The following PAX3 variants were observed in gnomAD, a reference collection of about 807,000 sequenced individuals.
PAX3 encodes paired box 3.
PAX3 carries 14 observed loss-of-function variants against 51.6 expected under a neutral mutation model. That is an observed-to-expected ratio of 0.27 (90% CI 0.18 to 0.42). PAX3 has a LOEUF of 0.42. PAX3 is among the 10% of genes least tolerant of loss of function. The probability of loss-of-function intolerance (pLI) is 1.00; values close to 1 mark genes in which losing one functional copy is unlikely to be tolerated. For synonymous variants in PAX3, 280 were observed against 253.4 expected (o/e 1.11, Z -1.00); for missense variants, 540 against 642.8 (o/e 0.84, Z 1.73).
intron 7 of PAX3, among the ~76,000 whole-genome samples, chr2:222,217,324 C>G (rs1692002677): frequency 6.6e-6 from 1 of 152,114 alleles, no homozygotes; most frequent in Admixed American, 6.5e-5. Context: ...TTTTAAAAAA[C>G]TAGTCTCTAC....
rs1695058726 is a variant in PAX3, at chr2:222,291,974, GTGT to G, written c.586+2190_586+2192del. Among the ~76,000 whole-genome samples the G allele has an allele frequency of 3.0e-3, 157 of 51,526 alleles. 1 individual carries two copies. Among genetic ancestry groups the G allele is most frequent in the Non-Finnish European group, 3.3e-3 (89 of 27,164 alleles). The allele number at this position is 51,526 out of a possible 152,430, so 33.8% of individuals were successfully genotyped here. ...AATCAGGCTTCAGCCTCCAAGGTGT[GTGT>G]GTGTGTGTGTGTGTGTGTGTGTGTG... On this transcript the variant is annotated intron_variant, in intron 4 of 8. Coordinates refer to ENST00000392070, the MANE Select transcript of PAX3 (RefSeq NM_181458.4).
At chr2:222,270,935 T>C (rs1366662573) in intron 4 of PAX3, among the ~76,000 whole-genome samples, 2 of 152,218 alleles carry the variant, frequency 1.3e-5, no homozygotes, top group Non-Finnish European at 2.9e-5. Context: ...ACTTAATCCT[T>C]GTTAAACTGC....
intron 7 of PAX3, among the ~76,000 whole-genome samples, chr2:222,209,047 G>C (rs975157563): frequency 6.6e-6 from 1 of 152,042 alleles, no homozygotes; most frequent in Non-Finnish European, 1.5e-5. Context: ...AGTGAAAAGA[G>C]CTTCAACTCT....
chr2:222,230,686 C>T (rs1462237413), intron 5 of PAX3, among the ~76,000 whole-genome samples: 3 of 151,902 alleles, frequency 2.0e-5, no homozygotes, highest in Non-Finnish European at 4.4e-5. Context: ...GAAACCCCAT[C>T]TCTACTAAAA....
intron 5 of PAX3, among the ~76,000 whole-genome samples, chr2:222,223,668 A>G (rs527414898): frequency 5.6e-4 from 86 of 152,328 alleles, no homozygotes; most frequent in Non-Finnish European, 1.0e-3. Context: ...CAGATCAGGT[A>G]GTCCTCTGCA....
intron 4 of PAX3, among the ~76,000 whole-genome samples, chr2:222,285,794 AG>A (rs747414988): frequency 1.4e-4 from 22 of 152,250 alleles, no homozygotes; most frequent in Non-Finnish European, 2.9e-4. Flanking sequence ...TCTACATTTA[AG>A]TTTTGATAAA....
intron 4 of PAX3, among the ~76,000 whole-genome samples, chr2:222,260,591 G>GTTTTTTTTTTTTTTT (rs374339768): frequency 1.6e-5 from 1 of 63,072 alleles, no homozygotes; most frequent in Non-Finnish European, 2.9e-5. Context: ...TTTTTTTTTT[G>GTTTTTTTTTTTTTTT]TTTTTTTTTT....
At chr2:222,224,757 T>C (rs1445794220) in intron 5 of PAX3, among the ~76,000 whole-genome samples, 1 of 152,190 alleles carries the variant, frequency 6.6e-6, no homozygotes, top group East Asian at 1.9e-4. Flanking sequence ...ATGAATAATC[T>C]GCAGAATGGC....
intron 5 of PAX3, among the ~76,000 whole-genome samples, chr2:222,226,619 A>T (rs1692395232): frequency 6.6e-6 from 1 of 151,836 alleles, no homozygotes; most frequent in East Asian, 2.0e-4. Flanking sequence ...GACGGCTTCA[A>T]ATCATCATGG....
rs544112113 is a variant in PAX3, at chr2:222,288,486, C to T, written c.586+5681G>A. ...GGAAACACGTGTAGAGAGATGTAGT[C>T]AATATAACACTCAGATTCCTGTGTA... On this transcript the variant is annotated intron_variant, in intron 4 of 8. Transcript: ENST00000392070. Among the ~76,000 whole-genome samples, 10 of 152,322 alleles carry T rather than the reference C, an allele frequency of 6.6e-5. No homozygotes were observed. In the East Asian group the frequency reaches 1.9e-3, roughly 29 times the overall value.
chr2:222,242,212 C>T (rs542828090), intron 4 of PAX3, among the ~76,000 whole-genome samples: 7 of 152,166 alleles, frequency 4.6e-5, no homozygotes, highest in East Asian at 1.9e-4. Context: ...AAGTGTGTTT[C>T]GTCCATTGAA....
At chr2:222,217,062 T>C (rs956918388) in intron 7 of PAX3, among the ~76,000 whole-genome samples, 18 of 152,186 alleles carry the variant, frequency 1.2e-4, no homozygotes, top group African/African-American at 3.6e-4. Flanking sequence ...CAAAGTTGTA[T>C]GCACTACTTT....
intron 4 of PAX3, among the ~76,000 whole-genome samples, chr2:222,280,460 G>A (rs1383247164): frequency 6.6e-6 from 1 of 152,050 alleles, no homozygotes; most frequent in African/African-American, 2.4e-5. Flanking sequence ...AAAGAGTCCT[G>A]TGCAATGGTT....
At chr2:222,292,785 A>G (rs1365214612) in intron 4 of PAX3, among the ~76,000 whole-genome samples, 1 of 152,222 alleles carries the variant, frequency 6.6e-6, no homozygotes, top group Non-Finnish European at 1.5e-5. Flanking sequence ...GGCTGAGTCC[A>G]TAGGAGGCCT....
intron 4 of PAX3, among the ~76,000 whole-genome samples, chr2:222,283,128 T>C (rs574646286): frequency 2.0e-5 from 3 of 152,308 alleles, no homozygotes; most frequent in Admixed American, 6.5e-5. Context: ...GTGTGCCAAA[T>C]GGTGCTGTCA....
chr2:222,298,320 G>A (rs1274357313), intron 1 of PAX3: 2 of 591,888 alleles, frequency 3.4e-6, no homozygotes, highest in East Asian at 5.6e-5. Flanking sequence ...TGACCGCCCA[G>A]CTCCGCCAGG....
At chr2:222,263,037 C>T (rs1459697896) in intron 4 of PAX3, 1 of 152,164 alleles carries the variant, frequency 6.6e-6, no homozygotes, top group East Asian at 1.9e-4. Context: ...AGAATATTTT[C>T]AGGACCAAGG....
chr2:222,239,499 T>C (rs930777625), intron 4 of PAX3, among the ~76,000 whole-genome samples: 2 of 151,944 alleles, frequency 1.3e-5, no homozygotes, highest in African/African-American at 4.8e-5. Flanking sequence ...ATTGTATATA[T>C]GTTGAGAAAA....
chr2:222,293,337 C>A (rs1695115160), intron 4 of PAX3, among the ~76,000 whole-genome samples: 2 of 152,162 alleles, frequency 1.3e-5, no homozygotes, highest in African/African-American at 4.8e-5. Context: ...CATTTCTTTT[C>A]CTTTCTTTCT....
Sources: allele counts gnomAD v4.1 joint callset (sites outside exome capture counted in the v4.1 genomes callset), GRCh38; gene constraint gnomAD v4.1.1; transcripts MANE v1.5; gene names NCBI Gene and HGNC (gene_info 2026-07-23, HGNC 2026-07-21).